RNF6: variants seen among roughly 807,000 people sequenced by gnomAD.
RNF6 encodes E3 ubiquitin-protein ligase RNF6.
A neutral mutation model predicts 50.1 loss-of-function variants in RNF6; 21 were observed. That is an observed-to-expected ratio of 0.42 (90% CI 0.30 to 0.60). The LOEUF (loss-of-function observed/expected upper bound fraction) is 0.60, where lower values mean the gene tolerates loss of function less well. RNF6 is among the 20% of genes least tolerant of loss of function. The pLI, the probability that RNF6 is intolerant of heterozygous loss-of-function variation, is 0.20. For synonymous variants in RNF6, 255 were observed against 291.8 expected, an observed-to-expected ratio of 0.87 and a Z score of 1.29; for missense variants, 698 against 838.2, an observed-to-expected ratio of 0.83 and a Z score of 2.07.
chr13:26,167,858 T>C (rs1872523699), intron 5 of RNF6, among the ~76,000 whole-genome samples: 1 of 152,222 alleles, frequency 6.6e-6, no homozygotes, highest in South Asian at 2.1e-4. Flanking sequence ...TGGGATACTA[T>C]GCAGCCATAA....
intron 5 of RNF6, among the ~76,000 whole-genome samples, chr13:26,185,620 C>T (rs952882084): frequency 3.3e-5 from 5 of 152,094 alleles, no homozygotes; most frequent in African/African-American, 1.2e-4. Context: ...GTGGCAGGCG[C>T]CTGTTATCAC....
At chr13:26,150,331 G>A (rs1260186281) in intron 5 of RNF6, among the ~76,000 whole-genome samples, 2 of 151,978 alleles carry the variant, frequency 1.3e-5, no homozygotes, top group South Asian at 2.1e-4. Flanking sequence ...TGAAGCTCGC[G>A]AATAACGATA....
intron 5 of RNF6, among the ~76,000 whole-genome samples, chr13:26,148,632 T>TCTCTCTCTCTCTCTCTCTCTC: frequency 2.1e-5 from 1 of 47,068 alleles, no homozygotes; most frequent in African/African-American, 1.1e-4. Flanking sequence ...ATAAATCTCT[T>TCTCTCTCTCTCTCTCTCTCTC]TATATATATA....
intron 3 of RNF6, among the ~76,000 whole-genome samples, chr13:26,218,913 A>G (rs1870177991): frequency 6.6e-6 from 1 of 152,200 alleles, no homozygotes; most frequent in Admixed American, 6.5e-5. Flanking sequence ...TGTCAGTTAA[A>G]AAGAAATTAA....
chr13:26,219,363 G>T, intron 3 of RNF6, 94 bp downstream of exon 3: 1 of 1,063,326 alleles, frequency 9.4e-7, no homozygotes, highest in Non-Finnish European at 1.3e-6. Flanking sequence ...TTCATAAAGA[G>T]AAGCAAGGAA....
chr13:26,184,428 T>C (rs570306980), intron 5 of RNF6, among the ~76,000 whole-genome samples: 1 of 146,510 alleles, frequency 6.8e-6, no homozygotes, highest in East Asian at 1.9e-4. Flanking sequence ...GAAAAAGACA[T>C]GTTGTTGTAT....
At chr13:26,150,073 TAC>T (rs1170819623) in intron 5 of RNF6, among the ~76,000 whole-genome samples, 2 of 148,116 alleles carry the variant, frequency 1.4e-5, no homozygotes, top group Non-Finnish European at 3.0e-5. Context: ...TACATATACA[TAC>T]ACACACACAG....
chr13:26,175,703 G>A (rs1490149470), intron 5 of RNF6, among the ~76,000 whole-genome samples: 1 of 152,156 alleles, frequency 6.6e-6, no homozygotes. Context: ...AAGAGGGAGT[G>A]AGAGAGTAAC....
In RNF6 at chr13:26,222,007, C is replaced by T. The variant is rs892318632; in HGVS notation, c.-106G>A. On this transcript the variant is annotated 5_prime_UTR_variant, in exon 1 of 5. Transcript: ENST00000381588. The stretch of plus-strand genomic sequence containing the variant: ...AGATCTTTCCCTCGAGCCCACCTCT[C>T]CAGGTCTTGGGCCTTCGCCCTCCTG... The T allele has an allele frequency of 6.6e-6, 1 of 152,314 alleles. No homozygotes were observed. The highest frequency in any genetic ancestry group is 2.4e-5 in the African/African-American group (1 of 41,474). The allele number at this position is 152,314 out of a possible 1,614,324, so 9.4% of individuals were successfully genotyped here.
intron 2 of RNF6, 81 bp from the exon 3 acceptor site, chr13:26,219,748 C>T: frequency 7.7e-7 from 1 of 1,296,890 alleles, no homozygotes; most frequent in Non-Finnish European, 1.1e-6. Flanking sequence ...TGCAGTTTTT[C>T]TTAATTTTTA....
chr13:26,184,795 A>T (rs1311773328), intron 5 of RNF6, among the ~76,000 whole-genome samples: 1 of 152,152 alleles, frequency 6.6e-6, no homozygotes, highest in African/African-American at 2.4e-5. Flanking sequence ...ATTGAATGCT[A>T]AGCATACACA....
At chr13:26,206,581 G>A (rs1007381491) in intron 5 of RNF6, among the ~76,000 whole-genome samples, 1 of 152,108 alleles carries the variant, frequency 6.6e-6, no homozygotes, top group Non-Finnish European at 1.5e-5. Flanking sequence ...TCTTGGACTC[G>A]CCTGGGAGCC....
At chr13:26,183,475 G>T (rs1873337053) in intron 5 of RNF6, among the ~76,000 whole-genome samples, 1 of 152,102 alleles carries the variant, frequency 6.6e-6, no homozygotes, top group Non-Finnish European at 1.5e-5. Context: ...GTGTATATTT[G>T]CTGGTAGGTG....
chr13:26,145,448 GGA>G (rs202129913), intron 5 of RNF6, among the ~76,000 whole-genome samples: 43,119 of 124,722 alleles, frequency 0.35, 7,997 homozygotes, highest in Non-Finnish European at 0.41. Context: ...TGAATCATGG[GGA>G]GGGGGGGGGA....
chr13:26,207,367 A>G (rs1424762610), intron 5 of RNF6, among the ~76,000 whole-genome samples: 1 of 152,220 alleles, frequency 6.6e-6, no homozygotes, highest in African/African-American at 2.4e-5. Context: ...TAGGAAATTA[A>G]CAGGGACAGC....
At chr13:26,206,661 A>C (rs977271663) in intron 5 of RNF6, among the ~76,000 whole-genome samples, 5 of 152,240 alleles carry the variant, frequency 3.3e-5, no homozygotes, top group Non-Finnish European at 7.3e-5. Flanking sequence ...AGTTTCAAAG[A>C]AAATCTTACA....
chr13:26,160,191 C>T (rs1194427866), intron 5 of RNF6, among the ~76,000 whole-genome samples: 1 of 152,124 alleles, frequency 6.6e-6, no homozygotes, highest in Non-Finnish European at 1.5e-5. Flanking sequence ...AGAGAATCTA[C>T]TTAGTATCAA....
intron 5 of RNF6, among the ~76,000 whole-genome samples, chr13:26,148,816 G>C (rs1871403381): frequency 6.6e-6 from 1 of 151,098 alleles, no homozygotes; most frequent in Non-Finnish European, 1.5e-5. Context: ...ACTCAGGAAA[G>C]CTAATGATGT....
At chr13:26,197,961 G>A (rs1185910484) in intron 5 of RNF6, among the ~76,000 whole-genome samples, 1 of 151,602 alleles carries the variant, frequency 6.6e-6, no homozygotes, top group Non-Finnish European at 1.5e-5. Flanking sequence ...TAACTTGTAG[G>A]TGAAAGAGGA....
Sources: allele counts gnomAD v4.1 joint callset (sites outside exome capture counted in the v4.1 genomes callset), GRCh38; gene constraint gnomAD v4.1.1; transcripts MANE v1.5; gene names NCBI Gene and HGNC (gene_info 2026-07-23, HGNC 2026-07-21).